Variants in RIC1 observed in about 807,000 individuals in gnomAD.
RIC1 encodes RIC1 partner of RAB6A GEF complex.
Under a neutral mutation model 169.0 loss-of-function variants are expected in RIC1, and 88 were observed. The ratio of observed to expected loss-of-function variants is 0.52; its 90% CI spans 0.44 to 0.62. The LOEUF is 0.62. Ranked by LOEUF, RIC1 falls within the 20% of genes least tolerant of loss-of-function variation. RIC1 has a pLI of 0.00. For missense variants in RIC1, 1,877 were observed against 1,725.5 expected (o/e 1.09, Z -1.56); for synonymous variants, 790 against 601.5 (o/e 1.31, Z -4.59).
intron 17 of RIC1, among the ~76,000 whole-genome samples, chr9:5,759,510 A>G (rs1289513757): frequency 6.6e-6 from 1 of 152,242 alleles, no homozygotes; most frequent in Non-Finnish European, 1.5e-5. Flanking sequence ...TTGTGAGGCA[A>G]ATGTGATAAT....
intron 17 of RIC1, among the ~76,000 whole-genome samples, chr9:5,761,104 C>CA (rs1174592787): frequency 7.4e-5 from 7 of 94,668 alleles, no homozygotes; most frequent in Admixed American, 1.3e-4. Flanking sequence ...CCAGCCTCAC[C>CA]TTTTTTTTTT....
At chr9:5,768,597 T>A (rs1303648574) in intron 21 of RIC1, among the ~76,000 whole-genome samples, 1 of 152,210 alleles carries the variant, frequency 6.6e-6, no homozygotes, top group Non-Finnish European at 1.5e-5. Context: ...TAATTTCACT[T>A]TGCCTCTCTA....
chr9:5,667,177 C>T (rs1202860945), intron 2 of RIC1, among the ~76,000 whole-genome samples: 2 of 151,940 alleles, frequency 1.3e-5, no homozygotes, highest in African/African-American at 4.8e-5. Context: ...ATAAACTTAG[C>T]CAGGTGAGTT....
intron 1 of RIC1, among the ~76,000 whole-genome samples, chr9:5,654,031 A>C (rs1818949906): frequency 6.6e-6 from 1 of 151,928 alleles, no homozygotes; most frequent in Admixed American, 6.6e-5. Flanking sequence ...ACAGCATCTT[A>C]CTCTATCACT....
chr9:5,694,614 G>A (rs566133304), intron 3 of RIC1, among the ~76,000 whole-genome samples: 2 of 152,232 alleles, frequency 1.3e-5, no homozygotes, highest in African/African-American at 4.8e-5. Context: ...TGGCAACAGT[G>A]TTATTATATA....
At chr9:5,689,080 G>T (rs905205982) in intron 2 of RIC1, among the ~76,000 whole-genome samples, 2 of 110,302 alleles carry the variant, frequency 1.8e-5, no homozygotes, top group African/African-American at 7.2e-5. Context: ...ACGGAGTCTC[G>T]CTCTGTCGCC....
intron 8 of RIC1, among the ~76,000 whole-genome samples, 169 bp downstream of exon 8, chr9:5,738,707 A>C (rs1341976964): frequency 6.6e-6 from 1 of 152,076 alleles, no homozygotes; most frequent in African/African-American, 2.4e-5. Context: ...AGGGGCCGTG[A>C]TTCTGTTTTA....
intron 12 of RIC1, among the ~76,000 whole-genome samples, chr9:5,747,954 A>G (rs2131007147): frequency 6.6e-6 from 1 of 152,362 alleles, no homozygotes; most frequent in South Asian, 2.1e-4. Flanking sequence ...CCCAAATTGC[A>G]GACTTGTGAT....
intron 1 of RIC1, among the ~76,000 whole-genome samples, chr9:5,641,043 G>T (rs1014696332): frequency 1.1e-4 from 16 of 150,020 alleles, no homozygotes; most frequent in African/African-American, 3.9e-4. Context: ...CTTTATCCTT[G>T]ATAAAGAAAC....
At chr9:5,748,453 T>C (rs1375207221) in intron 12 of RIC1, 1 of 152,638 alleles carries the variant, frequency 6.6e-6, no homozygotes, top group Non-Finnish European at 1.5e-5. Context: ...GAAAATGAAC[T>C]TAACTTACAT....
In RIC1 at chr9:5,775,137, A is replaced by G. The variant is rs545843272; in HGVS notation, c.*891A>G. On this transcript the variant is annotated 3_prime_UTR_variant, in exon 26 of 26. Transcript: ENST00000414202. ...TTTATTGGCTTGGTCATGAAGTAACAGAAATGGTCACACTGATCATGAAAT... is the reference window on the plus strand; with the variant it reads ...TTTATTGGCTTGGTCATGAAGTAACGGAAATGGTCACACTGATCATGAAAT... 29 of 152,334 alleles carry G rather than the reference A, an allele frequency of 1.9e-4. No individual in the cohort carries two copies. The highest frequency in any genetic ancestry group is 7.8e-4 in the Admixed American group (12 of 15,304). 9.4% of individuals were successfully genotyped at this position (152,334 alleles called of 1,614,324 possible).
At chr9:5,749,255 C>G (rs138455161) in intron 12 of RIC1, among the ~76,000 whole-genome samples, 7 of 152,328 alleles carry the variant, frequency 4.6e-5, no homozygotes, top group African/African-American at 9.6e-5. Flanking sequence ...TGAGCTAAAA[C>G]TTAGAATTCG....
At chr9:5,736,476 T>G (rs537851611) in intron 7 of RIC1, among the ~76,000 whole-genome samples, 2 of 152,278 alleles carry the variant, frequency 1.3e-5, no homozygotes, top group East Asian at 3.9e-4. Flanking sequence ...TTTTGAGTGT[T>G]TGTAGGCTGC....
intron 3 of RIC1, among the ~76,000 whole-genome samples, chr9:5,710,774 G>A (rs7872200): frequency 0.37 from 56,439 of 152,026 alleles, 15,361 homozygotes; most frequent in African/African-American, 0.77. Context: ...TTAAGAAAAC[G>A]GGGGGAGTGG....
At chr9:5,717,519 G>A (rs1388306055) in intron 4 of RIC1, among the ~76,000 whole-genome samples, 2 of 152,128 alleles carry the variant, frequency 1.3e-5, no homozygotes, top group Non-Finnish European at 2.9e-5. Context: ...ACAGACTTCA[G>A]AAAATGGGGT....
At chr9:5,705,203 T>TG (rs575998991) in intron 3 of RIC1, among the ~76,000 whole-genome samples, 71 of 151,378 alleles carry the variant, frequency 4.7e-4, no homozygotes, top group Non-Finnish European at 8.4e-4. Flanking sequence ...TTTTTTTTTT[T>TG]TTTTTTTTTA....
At chr9:5,732,555 A>C (rs571864718) in intron 7 of RIC1, 76 bp downstream of exon 7, 115 of 888,418 alleles carry the variant, frequency 1.3e-4, no homozygotes, top group Middle Eastern at 6.6e-4. Context: ...TAAACATAAG[A>C]TGTTCCTAAC....
At chr9:5,677,491 GT>G (rs1340335562) in intron 2 of RIC1, among the ~76,000 whole-genome samples, 1 of 152,064 alleles carries the variant, frequency 6.6e-6, no homozygotes, top group East Asian at 1.9e-4. Context: ...TCAAAAATCA[GT>G]TGTCTACATA....
chr9:5,648,978 T>C (rs991699545), intron 1 of RIC1, among the ~76,000 whole-genome samples: 2 of 152,176 alleles, frequency 1.3e-5, no homozygotes, highest in Non-Finnish European at 2.9e-5. Flanking sequence ...CTCTGTTGGA[T>C]TGTTTCCTTT....
Sources: gnomAD v4.1 joint callset for allele counts (sites outside exome capture counted in the v4.1 genomes callset) on GRCh38, gnomAD v4.1.1 for gene constraint, MANE v1.5 for transcripts, NCBI Gene and HGNC (gene_info 2026-07-23, HGNC 2026-07-21) for gene names.